ERICH5: variants seen among roughly 807,000 people sequenced by gnomAD.
The protein encoded by ERICH5 is glutamate-rich protein 5.
ERICH5 carries 24 observed loss-of-function variants against 28.0 expected under a neutral mutation model. The observed-to-expected ratio is 0.86, with a 90% confidence interval of 0.62 to 1.21. The LOEUF (loss-of-function observed/expected upper bound fraction) is 1.21, where lower values mean the gene tolerates loss of function less well. ERICH5 is among the 50% of genes most tolerant of loss of function. The pLI, the probability that ERICH5 is intolerant of heterozygous loss-of-function variation, is 0.00. For synonymous variants in ERICH5, 163 were observed against 157.6 expected, an observed-to-expected ratio of 1.03 and a Z score of -0.25; for missense variants, 421 against 441.2, an observed-to-expected ratio of 0.95 and a Z score of 0.41.
At chr8:98,069,048 C>T (rs1814864241) in intron 1 of ERICH5, among the ~76,000 whole-genome samples, 1 of 152,164 alleles carries the variant, frequency 6.6e-6, no homozygotes, top group African/African-American at 2.4e-5. Flanking sequence ...AAAAGTTTTC[C>T]TTTTGAATTG....
intron 1 of ERICH5, among the ~76,000 whole-genome samples, chr8:98,084,320 T>C (rs1049813566): frequency 1.3e-5 from 2 of 152,182 alleles, no homozygotes; most frequent in East Asian, 3.8e-4. Context: ...CTATTTGCCC[T>C]GTGTCACTGG....
intron 1 of ERICH5, among the ~76,000 whole-genome samples, chr8:98,066,573 T>C (rs1814822756): frequency 6.6e-6 from 1 of 152,212 alleles, no homozygotes; most frequent in Non-Finnish European, 1.5e-5. Context: ...ACTCTTCCAT[T>C]TTTTATTCTT....
At chr8:98,075,760 T>TCTC (rs1215356224) in intron 1 of ERICH5, among the ~76,000 whole-genome samples, 5 of 139,690 alleles carry the variant, frequency 3.6e-5, no homozygotes, top group Admixed American at 8.1e-5. Flanking sequence ...TGCTAACTGC[T>TCTC]AACTCCCATC....
chr8:98,093,387 T>C lies in ERICH5; in HGVS notation c.*54T>C. On this transcript the variant is annotated 3_prime_UTR_variant, in exon 3 of 3. Coordinates refer to ENST00000318528, the MANE Select transcript of ERICH5 (RefSeq NM_173549.3). ...ATCATAGAGGAGACAAAAATGGTAG[T>C]GAAGCTTGTGGTTATGTATCTTATC... 8.1e-7 allele frequency: 1 copy of C among 1,230,654 alleles called. No individual in the cohort carries two copies. The highest frequency in any genetic ancestry group is 1.2e-6 in the Non-Finnish European group (1 of 847,914). 76.2% of individuals were successfully genotyped at this position (1,230,654 alleles called of 1,614,324 possible). A position where few individuals can be genotyped will look rare whatever the true frequency, so the allele number is the denominator to read the frequency against.
rs528924630 is a variant in ERICH5, at chr8:98,091,126, C to T, written c.1012+1097C>T. Among the ~76,000 whole-genome samples the T allele has an allele frequency of 7.2e-5, 11 of 152,140 alleles. No individual in the cohort carries two copies. The East Asian group carries it at 1.7e-3, about 24-fold the overall frequency. ...CTAGTTTTTGTATTTTTAGTAGAGACGGGGTTTCACCACATTGGCCAGGCT... is the reference window on the plus strand; with the variant it reads ...CTAGTTTTTGTATTTTTAGTAGAGATGGGGTTTCACCACATTGGCCAGGCT... On this transcript the variant is annotated intron_variant, in intron 2 of 2. Transcript: ENST00000318528.
chr8:98,089,665 G>A lies in ERICH5; in HGVS notation c.648G>A (p.Pro216=), dbSNP rs186450503. 1.7e-5 allele frequency: 27 copies of A among 1,614,122 alleles called. No homozygotes were observed. The highest frequency in any genetic ancestry group is 3.3e-4 in the Middle Eastern group (2 of 6,062). Reference sequence around the variant, plus strand: ...CAGTGGGAAAGGATGAGCAGGCCCCGCTTCTAGAAACAATTTCCAAAGAGA... The same window carrying A: ...CAGTGGGAAAGGATGAGCAGGCCCCACTTCTAGAAACAATTTCCAAAGAGA... ...QGTVGKDEQA[P]LLETISKENE... Residue 216 remains proline (P), a synonymous_variant, in exon 2 of 3, where the codon CCG becomes CCA. Transcript: ENST00000318528.
intron 2 of ERICH5, 116 bp from the exon 3 acceptor site, chr8:98,093,105 A>C: frequency 1.6e-6 from 1 of 643,114 alleles, no homozygotes; most frequent in Non-Finnish European, 2.7e-6. Flanking sequence ...CCCCCAGAGA[A>C]ACTTACTGCT....
Position 98,064,680 on chromosome 8 carries a change from C to G in ERICH5, c.11C>G (p.Ser4Cys), listed in dbSNP as rs546619380. 41 of 1,536,394 alleles carry G rather than the reference C, an allele frequency of 2.7e-5. No homozygotes were observed. In the South Asian group the frequency reaches 4.7e-4, roughly 17 times the overall value. The change falls in exon 1 of 3, where the codon TCC becomes TGC. Residue 4 changes from serine to cysteine, a missense_variant. By Grantham distance (112) the Ser-to-Cys change is moderately radical. Coordinates refer to ENST00000318528, the MANE Select transcript of ERICH5 (RefSeq NM_173549.3). ...TCTGCGCTCCCCGCAATGGGCTGCTCCAGCAGCGCCCTCAACAAGGCCGGC... is the reference window on the plus strand; with the variant it reads ...TCTGCGCTCCCCGCAATGGGCTGCTGCAGCAGCGCCCTCAACAAGGCCGGC... Reference protein sequence around the residue: MGCSSSALNKAGDS... With the variant: MGCCSSALNKAGDS...
intron 2 of ERICH5, among the ~76,000 whole-genome samples, chr8:98,092,957 G>T (rs148563214): frequency 2.8e-4 from 42 of 152,054 alleles, no homozygotes; most frequent in Admixed American, 1.7e-3. Context: ...TGTATTTTTA[G>T]TAGAGACGGG....
At chr8:98,081,213 C>T (rs376234125) in intron 1 of ERICH5, among the ~76,000 whole-genome samples, 1 of 152,180 alleles carries the variant, frequency 6.6e-6, no homozygotes, top group East Asian at 1.9e-4. Context: ...TCAAGCTATC[C>T]TCCCATCTCG....
chr8:98,091,957 T>C (rs1290545685), intron 2 of ERICH5, among the ~76,000 whole-genome samples: 18 of 120,774 alleles, frequency 1.5e-4, no homozygotes, highest in African/African-American at 5.0e-4. Context: ...TTCTTCTTTC[T>C]TTCTTTTTTC....
At position 98,081,828 on chromosome 8, in the gene ERICH5, G is replaced by A. The variant is rs192253246; in HGVS notation, c.59-7248G>A. Among the ~76,000 whole-genome samples the A allele has an allele frequency of 4.9e-3, 749 of 151,942 alleles. 3 individuals carry two copies. Among genetic ancestry groups the A allele is most frequent in the Middle Eastern group, 0.01 (3 of 294 alleles). ...CTGTAATCCCAGCTACTCAGGAGGCGGAGGCAGGAGAATTGCTTGTACCCA... is the reference window on the plus strand; with the variant it reads ...CTGTAATCCCAGCTACTCAGGAGGCAGAGGCAGGAGAATTGCTTGTACCCA... On this transcript the variant is annotated intron_variant, in intron 1 of 2. Transcript: ENST00000318528.
intron 1 of ERICH5, among the ~76,000 whole-genome samples, chr8:98,072,945 C>A (rs1814945042): frequency 6.6e-6 from 1 of 151,966 alleles, no homozygotes; most frequent in Non-Finnish European, 1.5e-5. Context: ...CACAGAGTTT[C>A]TTTTTTGCTA....
chr8:98,085,688 T>C (rs1445073720), intron 1 of ERICH5, among the ~76,000 whole-genome samples: 1 of 152,230 alleles, frequency 6.6e-6, no homozygotes, highest in Non-Finnish European at 1.5e-5. Flanking sequence ...TTGTTCTTCT[T>C]GCTTCGAGGA....
At chr8:98,073,511 T>C (rs1184199727) in intron 1 of ERICH5, among the ~76,000 whole-genome samples, 1 of 6,046 alleles carries the variant, frequency 1.7e-4, no homozygotes, top group South Asian at 5.1e-3. Flanking sequence ...TATATATATA[T>C]ATATGTATAT....
chr8:98,088,437 C>T (rs565234784), intron 1 of ERICH5, among the ~76,000 whole-genome samples: 1 of 152,290 alleles, frequency 6.6e-6, no homozygotes, highest in East Asian at 1.9e-4. Flanking sequence ...GCATGTTTCT[C>T]TGCTTTCTGT....
chr8:98,093,232 G>A lies in ERICH5; in HGVS notation c.1024G>A (p.Glu342Lys). ...GGTTACTTTTCCAGGTGAGACAGGGGAAAAGGTGGAAACAGACATGGAGAA... is the reference window on the plus strand; with the variant it reads ...GGTTACTTTTCCAGGTGAGACAGGGAAAAAGGTGGAAACAGACATGGAGAA... ...EDQRIEGETG[E>K]KVETDMENEK... is the part of the protein sequence containing the mutation. The change falls in exon 3 of 3, where the codon GAA becomes AAA. Residue 342 changes from glutamate to lysine, a missense_variant. By Grantham distance (56) the Glu-to-Lys change is moderately conservative (BLOSUM62 1). Coordinates refer to ENST00000318528, the MANE Select transcript of ERICH5 (RefSeq NM_173549.3). 1 of 1,612,784 alleles carries A rather than the reference G, an allele frequency of 6.2e-7. No homozygotes were observed. Among genetic ancestry groups the A allele is most frequent in the South Asian group, 1.1e-5 (1 of 90,882 alleles).
chr8:98,074,573 AT>A (rs1815016261), intron 1 of ERICH5, among the ~76,000 whole-genome samples: 1 of 151,182 alleles, frequency 6.6e-6, no homozygotes, highest in African/African-American at 2.4e-5. Flanking sequence ...TAATATTTTT[AT>A]TTTTTGTAAA....
At chr8:98,064,886 C>T (rs1162911933) in intron 1 of ERICH5, among the ~76,000 whole-genome samples, 159 bp downstream of exon 1, 1 of 152,254 alleles carries the variant, frequency 6.6e-6, no homozygotes, top group African/African-American at 2.4e-5. Context: ...GCGCGATTTC[C>T]TTCCAAATCT....
Sources: gnomAD v4.1 joint callset for allele counts (sites outside exome capture counted in the v4.1 genomes callset) on GRCh38, gnomAD v4.1.1 for gene constraint, MANE v1.5 for transcripts, NCBI Gene and HGNC (gene_info 2026-07-23, HGNC 2026-07-21) for gene names.